GNG7: variants seen among roughly 807,000 people sequenced by gnomAD.
GNG7 encodes the protein G protein subunit gamma 7.
Under a neutral mutation model 4.0 loss-of-function variants are expected in GNG7, and 1 was observed. The observed-to-expected ratio is 0.25, with a 90% confidence interval of 0.09 to 1.18. GNG7 has a LOEUF of 1.18. GNG7 is among the 50% of genes most tolerant of loss of function. The pLI is 0.50. For missense variants in GNG7, 86 were observed against 91.9 expected (o/e 0.94, Z 0.26); for synonymous variants, 34 against 36.9 (o/e 0.92, Z 0.29).
At chr19:2,661,887 T>C (rs1386724110) in intron 1 of GNG7, among the ~76,000 whole-genome samples, 1 of 151,096 alleles carries the variant, frequency 6.6e-6, no homozygotes, top group Non-Finnish European at 1.5e-5. Flanking sequence ...AATCACCCAG[T>C]GGAGCTGCTT....
chr19:2,593,019 AAG>A (rs1337613630), intron 2 of GNG7, among the ~76,000 whole-genome samples: 9 of 150,142 alleles, frequency 6.0e-5, no homozygotes, highest in Admixed American at 6.0e-4. Context: ...GAAAAAAAGA[AAG>A]AAGAAAAGGA....
At chr19:2,602,901 CTT>C (rs377361649) in intron 2 of GNG7, among the ~76,000 whole-genome samples, 11 of 148,844 alleles carry the variant, frequency 7.4e-5, no homozygotes, top group African/African-American at 2.5e-4. Flanking sequence ...TTCTCTTTTT[CTT>C]TCTTTCTTTC....
At chr19:2,663,329 A>C (rs1599449871) in intron 1 of GNG7, among the ~76,000 whole-genome samples, 1 of 149,984 alleles carries the variant, frequency 6.7e-6, no homozygotes, top group Non-Finnish European at 1.5e-5. Context: ...TCTCCCTCTC[A>C]CCCTTTCTCT....
rs1206488468 is a variant in GNG7, at chr19:2,586,709, G to A, written c.-77-31521C>T. ...TCCAGTAGAATGTCACCTTGGCCGG[G>A]TGCAGTGGCTCACGCCTGTAATCCC... On this transcript the variant is annotated intron_variant, in intron 2 of 4. Transcript: ENST00000382159. Among the ~76,000 whole-genome samples the A allele has an allele frequency of 3.9e-5, 5 of 129,094 alleles. No individual in the cohort carries two copies. The South Asian group carries it at 1.2e-3, about 32-fold the overall frequency. The allele number at this position is 129,094 out of a possible 152,430, so 84.7% of individuals were successfully genotyped here. A position where few individuals can be genotyped will look rare whatever the true frequency, so the allele number is the denominator to read the frequency against.
intron 3 of GNG7, among the ~76,000 whole-genome samples, chr19:2,551,589 G>GTATTTATAAATATATAA (rs1421883737): frequency 6.9e-6 from 1 of 145,756 alleles, no homozygotes; most frequent in African/African-American, 2.5e-5. Context: ...ATATAAATAT[G>GTATTTATAAATATATAA]CATTTATAAA....
rs988186417 is a variant in GNG7, at chr19:2,593,940, A to C, written c.-77-38752T>G. On this transcript the variant is annotated intron_variant, in intron 2 of 4. Coordinates refer to ENST00000382159, the MANE Select transcript of GNG7 (RefSeq NM_052847.3). ...AAATATTTGATGCCAAAAAAAAAAA[A>C]AAACTTTCTTACCTCATTCACCCCA... Among the ~76,000 whole-genome samples, 60 of 151,440 alleles carry C rather than the reference A, an allele frequency of 4.0e-4. 1 individual carries two copies. In the East Asian group the frequency reaches 5.2e-3, roughly 13 times the overall value.
At chr19:2,661,356 G>T (rs528298930) in intron 1 of GNG7, among the ~76,000 whole-genome samples, 48 of 146,902 alleles carry the variant, frequency 3.3e-4, no homozygotes, top group African/African-American at 1.2e-3. Context: ...AAGAAAGAAA[G>T]AAAGAAATGG....
In GNG7 at chr19:2,648,880, T is replaced by TTG. The variant is rs200800593; in HGVS notation, c.-134-2601_-134-2600insCA. 8.0e-3 allele frequency among the ~76,000 whole-genome samples: 1,209 copies of TTG among 151,608 alleles called. 14 individuals are homozygous for TTG. Among genetic ancestry groups the TTG allele is most frequent in the African/African-American group, 0.027 (1,136 of 41,352 alleles). On this transcript the variant is annotated intron_variant, in intron 1 of 4. Coordinates refer to ENST00000382159, the MANE Select transcript of GNG7 (RefSeq NM_052847.3). ...TCAACTCTGAATCATGTGTTTTTTT[T>TTG]TTTGTTTTTTGTTTTTTGTTTTTTT...
Position 2,633,908 on chromosome 19 carries a change from C to T in GNG7, c.-78+12316G>A, listed in dbSNP as rs1432345947. Among the ~76,000 whole-genome samples, 1 of 151,672 alleles carries T rather than the reference C, an allele frequency of 6.6e-6. No homozygotes were observed. The highest frequency in any genetic ancestry group is 2.0e-4 in the East Asian group (1 of 5,094). ...GGCACCCCTGACCTCCACCCCATGG[C>T]ATCCACCAATCGAGGCAGCCACAAA... is the stretch of plus-strand genomic sequence containing the variant. On this transcript the variant is annotated intron_variant, in intron 2 of 4. Transcript: ENST00000382159. This position sits in a 1 kb window ranked among gnomAD's most constrained non-coding sequence, Gnocchi z 5.9.
chr19:2,661,296 A>AAG (rs61275453), intron 1 of GNG7, among the ~76,000 whole-genome samples: 16,580 of 55,750 alleles, frequency 0.3, 1,879 homozygotes, highest in East Asian at 0.34. Flanking sequence ...GAAAGAAAGA[A>AAG]AGAAAGAGAA....
intron 3 of GNG7, among the ~76,000 whole-genome samples, chr19:2,537,700 G>A (rs549787756): frequency 2.0e-5 from 3 of 151,878 alleles, no homozygotes; most frequent in South Asian, 2.1e-4. Flanking sequence ...CTGGAGGCGG[G>A]AAACTGGCCC....
chr19:2,635,569 G>C (rs1162960415), intron 2 of GNG7, among the ~76,000 whole-genome samples: 1 of 148,768 alleles, frequency 6.7e-6, no homozygotes, highest in Non-Finnish European at 1.5e-5. Context: ...AGACCCAGGA[G>C]GTCTCAACTT....
At chr19:2,608,954 G>A (rs1038724409) in intron 2 of GNG7, among the ~76,000 whole-genome samples, 2 of 152,162 alleles carry the variant, frequency 1.3e-5, no homozygotes, top group African/African-American at 4.8e-5. Context: ...CAATTCAGTG[G>A]CATTCAACAC....
At chr19:2,680,187 GC>G (rs1983696386) in intron 1 of GNG7, among the ~76,000 whole-genome samples, 1 of 121,748 alleles carries the variant, frequency 8.2e-6, no homozygotes, top group Non-Finnish European at 1.6e-5. Context: ...TCGCTCTGTT[GC>G]CCAGGCTGGA....
intron 3 of GNG7, among the ~76,000 whole-genome samples, chr19:2,521,249 G>A (rs183800745): frequency 1.3e-5 from 2 of 151,752 alleles, no homozygotes; most frequent in African/African-American, 4.8e-5. Flanking sequence ...CTGGACGACA[G>A]AGCAAGACTC....
intron 2 of GNG7, among the ~76,000 whole-genome samples, chr19:2,562,567 G>C (rs1211768042): frequency 6.6e-6 from 1 of 152,236 alleles, no homozygotes; most frequent in African/African-American, 2.4e-5. Flanking sequence ...ACTGGGGCCA[G>C]ATCCTTCTCT....
chr19:2,556,088 G>T (rs942246053), intron 2 of GNG7, among the ~76,000 whole-genome samples: 6 of 152,208 alleles, frequency 3.9e-5, no homozygotes, highest in African/African-American at 1.4e-4. Flanking sequence ...CCCGAGGCAG[G>T]CAAAGGCCCC....
At chr19:2,687,161 G>A (rs1355996839) in intron 1 of GNG7, among the ~76,000 whole-genome samples, 1 of 151,466 alleles carries the variant, frequency 6.6e-6, no homozygotes, top group Admixed American at 6.6e-5. Flanking sequence ...GGGCTCAAGC[G>A]ACCCTCCTGC....
intron 1 of GNG7, among the ~76,000 whole-genome samples, chr19:2,696,115 C>A (rs1186832970): frequency 6.7e-6 from 1 of 150,312 alleles, no homozygotes; most frequent in Non-Finnish European, 1.5e-5. Flanking sequence ...CGAGATTGCA[C>A]CACTGCACTC....
Sources: gnomAD v4.1 joint callset for allele counts (sites outside exome capture counted in the v4.1 genomes callset) on GRCh38, gnomAD v4.1.1 for gene constraint, Gnocchi (gnomAD v3.1) non-coding constraint, MANE v1.5 for transcripts, NCBI Gene and HGNC (gene_info 2026-07-23, HGNC 2026-07-21) for gene names.